Variants in NLGN1 observed in about 807,000 individuals in gnomAD.
The protein encoded by NLGN1 is neuroligin 1, also known as neuroligin-1.
NLGN1 carries 12 observed loss-of-function variants against 65.5 expected under a neutral mutation model. The observed-to-expected ratio is 0.18, with a 90% confidence interval of 0.12 to 0.30. The LOEUF (loss-of-function observed/expected upper bound fraction) is 0.30. Ranked by LOEUF, NLGN1 falls within the 10% of genes least tolerant of loss-of-function variation. NLGN1 has a pLI of 1.00. For synonymous variants in NLGN1, 350 were observed against 359.5 expected, an observed-to-expected ratio of 0.97 and a Z score of 0.30; for missense variants, 750 against 1,007.1, an observed-to-expected ratio of 0.74 and a Z score of 3.46.
chr3:174,287,306 T>C (rs1417440594), downstream of NLGN1, among the ~76,000 whole-genome samples: 3 of 151,452 alleles, frequency 2.0e-5, no homozygotes, highest in African/African-American at 7.3e-5. Flanking sequence ...GAGGACATCA[T>C]ATAATTTCCT....
intron 2 of NLGN1, among the ~76,000 whole-genome samples, chr3:173,513,515 G>C (rs982287196): frequency 2.6e-5 from 4 of 152,126 alleles, no homozygotes; most frequent in African/African-American, 9.7e-5. Context: ...GGTTTGCCCT[G>C]TAACCTCACT....
At chr3:173,420,512 A>G (rs1214587894) in intron 1 of NLGN1, among the ~76,000 whole-genome samples, 4 of 152,108 alleles carry the variant, frequency 2.6e-5, no homozygotes, top group Non-Finnish European at 4.4e-5. Flanking sequence ...AGTCTATGCT[A>G]TTGTGAATAG....
exon 5 of NLGN1, chr3:174,275,437 G>A: frequency 6.2e-7 from 1 of 1,612,750 alleles, no homozygotes; most frequent in Non-Finnish European, 8.5e-7. Flanking sequence ...AAGAATCACT[G>A]TTTTTGGATC....
At chr3:173,991,781 C>G (rs1366697611) in intron 4 of NLGN1, among the ~76,000 whole-genome samples, 1 of 151,980 alleles carries the variant, frequency 6.6e-6, no homozygotes, top group Admixed American at 6.6e-5. Flanking sequence ...GAAGAATTAT[C>G]TGGAGAACTT....
chr3:174,047,816 A>G (rs961837170), intron 4 of NLGN1, among the ~76,000 whole-genome samples: 1 of 151,904 alleles, frequency 6.6e-6, no homozygotes, highest in Non-Finnish European at 1.5e-5. Context: ...AAAAAAAAAA[A>G]AGATATAATT....
At chr3:173,986,671 C>G (rs1230578963) in intron 4 of NLGN1, among the ~76,000 whole-genome samples, 1 of 152,152 alleles carries the variant, frequency 6.6e-6, no homozygotes, top group Non-Finnish European at 1.5e-5. Context: ...TTAGGCTGCC[C>G]GCTTCAGGTG....
At chr3:173,892,216 G>A (rs1453575197) in intron 4 of NLGN1, among the ~76,000 whole-genome samples, 1 of 133,434 alleles carries the variant, frequency 7.5e-6, no homozygotes, top group Non-Finnish European at 1.6e-5. Flanking sequence ...TTATGTATTT[G>A]TATGTTAAAT....
At chr3:174,218,230 GATT>G (rs1376939268) in intron 4 of NLGN1, among the ~76,000 whole-genome samples, 19 of 151,994 alleles carry the variant, frequency 1.3e-4, no homozygotes, top group Non-Finnish European at 2.5e-4. Flanking sequence ...ACCATTCATT[GATT>G]ACCCTTTACC....
intron 4 of NLGN1, among the ~76,000 whole-genome samples, chr3:174,050,834 C>T (rs907617125): frequency 6.6e-6 from 1 of 151,996 alleles, no homozygotes; most frequent in Non-Finnish European, 1.5e-5. Flanking sequence ...ATAATGGTGA[C>T]ATGAGGACTA....
Position 173,747,801 on chromosome 3 carries a change from C to CTTTTTTTTTT in NLGN1, c.494-59858_494-59849dup, listed in dbSNP as rs749749824. The stretch of plus-strand genomic sequence containing the variant: ...AATTTTCTTTCTTCTTCTTCTTGTT[C>CTTTTTTTTTT]TTTTTTTTTTTTTTTTTTTTTTTTT... On this transcript the variant is annotated intron_variant, in intron 3 of 6. Transcript: ENST00000457714. Among the ~76,000 whole-genome samples, 291 of 64,416 alleles carry CTTTTTTTTTT rather than the reference C, an allele frequency of 4.5e-3. 66 individuals are homozygous for CTTTTTTTTTT. Among genetic ancestry groups the CTTTTTTTTTT allele is most frequent in the African/African-American group, 0.013 (204 of 16,098 alleles). The allele number at this position is 64,416 out of a possible 152,430, so 42.3% of individuals were successfully genotyped here. A position where few individuals can be genotyped will look rare whatever the true frequency, so the allele number is the denominator to read the frequency against.
intron 4 of NLGN1, among the ~76,000 whole-genome samples, chr3:173,995,120 G>C (rs1473500584): frequency 1.3e-5 from 2 of 152,150 alleles, no homozygotes; most frequent in African/African-American, 4.8e-5. Flanking sequence ...ATGTTTGCTT[G>C]CATATGAGAG....
intron 4 of NLGN1, chr3:173,920,922 TA>T (rs1741881122): frequency 1.3e-5 from 2 of 152,066 alleles, no homozygotes; most frequent in Admixed American, 6.6e-5. Flanking sequence ...GAGAAGCTTA[TA>T]GTTTCAAATT....
chr3:174,240,511 G>A (rs551126630), intron 4 of NLGN1, among the ~76,000 whole-genome samples: 3 of 152,118 alleles, frequency 2.0e-5, no homozygotes, highest in East Asian at 3.9e-4. Flanking sequence ...TACCAAGAAC[G>A]CTGTCATTAT....
chr3:173,734,721 A>G (rs1560262749), intron 3 of NLGN1, among the ~76,000 whole-genome samples: 1 of 151,938 alleles, frequency 6.6e-6, no homozygotes, highest in Non-Finnish European at 1.5e-5. Context: ...TTCACTAGTA[A>G]CAAGCAATCT....
chr3:173,616,236 T>A (rs1353649676), intron 3 of NLGN1, among the ~76,000 whole-genome samples: 1 of 152,164 alleles, frequency 6.6e-6, no homozygotes, highest in Non-Finnish European at 1.5e-5. Flanking sequence ...GAGTGCTTTT[T>A]AAAAATATGT....
chr3:174,171,920 G>T (rs1728608384), intron 4 of NLGN1, among the ~76,000 whole-genome samples: 1 of 151,876 alleles, frequency 6.6e-6, no homozygotes, highest in South Asian at 2.1e-4. Context: ...GTATCTGACA[G>T]ATTATTTATT....
At chr3:174,252,986 AG>A (rs1233295911) in intron 4 of NLGN1, among the ~76,000 whole-genome samples, 1 of 152,218 alleles carries the variant, frequency 6.6e-6, no homozygotes, top group Non-Finnish European at 1.5e-5. Context: ...TTTCATTAAA[AG>A]ATTCCTTTAT....
At chr3:174,203,057 C>T (rs1056133157) in intron 4 of NLGN1, among the ~76,000 whole-genome samples, 9 of 151,944 alleles carry the variant, frequency 5.9e-5, no homozygotes, top group African/African-American at 2.2e-4. Flanking sequence ...AGGTACCTGA[C>T]CCAAAAAGAT....
At chr3:174,010,932 A>G (rs962667779) in intron 4 of NLGN1, among the ~76,000 whole-genome samples, 3 of 152,136 alleles carry the variant, frequency 2.0e-5, no homozygotes, top group Non-Finnish European at 2.9e-5. Context: ...GCCCCATTCA[A>G]TTACTGCTCA....
Sources: allele counts gnomAD v4.1 joint callset (sites outside exome capture counted in the v4.1 genomes callset), GRCh38; gene constraint gnomAD v4.1.1; transcripts MANE v1.5; gene names NCBI Gene and HGNC (gene_info 2026-07-23, HGNC 2026-07-21).